The following SLC10A7 variants were observed in gnomAD, a reference collection of about 807,000 sequenced individuals.
SLC10A7 encodes sodium/bile acid cotransporter 7.
In SLC10A7, 29 loss-of-function variants were observed where a neutral mutation model predicts 43.2. The observed-to-expected ratio is 0.67, with a 90% confidence interval of 0.50 to 0.92. SLC10A7 has a LOEUF of 0.92. Ranked by LOEUF, SLC10A7 falls within the 40% of genes least tolerant of loss-of-function variation. The pLI is 0.00. For missense variants in SLC10A7, 295 were observed against 403.2 expected (o/e 0.73, Z 2.30); for synonymous variants, 152 against 144.8 (o/e 1.05, Z -0.35).
At chr4:146,383,616 T>C (rs559097886) in intron 5 of SLC10A7, among the ~76,000 whole-genome samples, 1 of 152,314 alleles carries the variant, frequency 6.6e-6, no homozygotes, top group South Asian at 2.1e-4. Context: ...CTTCATTCTT[T>C]CCTTGCTTTG....
intron 5 of SLC10A7, among the ~76,000 whole-genome samples, chr4:146,408,353 C>T (rs898850976): frequency 2.6e-5 from 4 of 151,926 alleles, no homozygotes; most frequent in East Asian, 1.9e-4. Flanking sequence ...TTTGAGACCA[C>T]CCTGGGGGCA....
intron 7 of SLC10A7, among the ~76,000 whole-genome samples, chr4:146,296,106 A>G (rs1472627887): frequency 2.6e-5 from 4 of 152,156 alleles, no homozygotes; most frequent in African/African-American, 9.6e-5. Context: ...TGAATACCAA[A>G]TCCACTGATG....
At chr4:146,483,156 T>C (rs992414648) in intron 4 of SLC10A7, among the ~76,000 whole-genome samples, 1 of 152,168 alleles carries the variant, frequency 6.6e-6, no homozygotes, top group African/African-American at 2.4e-5. Flanking sequence ...AGTATAAAAC[T>C]TCCCAGTAGA....
chr4:146,489,758 G>A (rs1735228195), intron 4 of SLC10A7, among the ~76,000 whole-genome samples: 1 of 152,056 alleles, frequency 6.6e-6, no homozygotes. Flanking sequence ...TCTCTAAGAG[G>A]CTTTGTAAAA....
intron 5 of SLC10A7, among the ~76,000 whole-genome samples, chr4:146,348,474 G>T (rs1319993841): frequency 6.6e-6 from 1 of 152,156 alleles, no homozygotes; most frequent in Non-Finnish European, 1.5e-5. Context: ...ACGTGTAAAA[G>T]AACTCCTGTT....
At chr4:146,515,809 C>T (rs932207456) in intron 2 of SLC10A7, among the ~76,000 whole-genome samples, 1 of 147,486 alleles carries the variant, frequency 6.8e-6, no homozygotes, top group Non-Finnish European at 1.5e-5. Context: ...ATTCAGGAGG[C>T]TGAGGCAGGA....
chr4:146,492,224 A>C (rs1735525675), intron 4 of SLC10A7, among the ~76,000 whole-genome samples: 1 of 151,976 alleles, frequency 6.6e-6, no homozygotes, highest in Admixed American at 6.5e-5. Context: ...TGTCTCAAAA[A>C]AAAAAAAGGA....
intron 3 of SLC10A7, among the ~76,000 whole-genome samples, chr4:146,505,475 T>C (rs756772107): frequency 1.3e-5 from 2 of 152,178 alleles, no homozygotes; most frequent in Non-Finnish European, 2.9e-5. Flanking sequence ...TCAAAAGTTA[T>C]ATGTGGATTT....
intron 5 of SLC10A7, among the ~76,000 whole-genome samples, chr4:146,414,357 A>G (rs1728416862): frequency 6.6e-6 from 1 of 152,178 alleles, no homozygotes; most frequent in Non-Finnish European, 1.5e-5. Flanking sequence ...ACCAAACATA[A>G]GGCTTTTCCA....
chr4:146,451,231 C>CAAAAAAAAAAAAAAAAAAA (rs572993886), intron 4 of SLC10A7, among the ~76,000 whole-genome samples: 2 of 71,690 alleles, frequency 2.8e-5, no homozygotes, highest in Non-Finnish European at 5.5e-5. Context: ...AGTCTCCCAC[C>CAAAAAAAAAAAAAAAAAAA]AAAAAAAAAA....
intron 4 of SLC10A7, among the ~76,000 whole-genome samples, chr4:146,445,439 C>G (rs968221529): frequency 5.3e-5 from 8 of 152,154 alleles, no homozygotes; most frequent in Non-Finnish European, 1.0e-4. Context: ...TTGTGCAGAC[C>G]CGCGGCAGTG....
At chr4:146,360,290 C>T (rs1206660267) in intron 5 of SLC10A7, among the ~76,000 whole-genome samples, 1 of 152,118 alleles carries the variant, frequency 6.6e-6, no homozygotes, top group African/African-American at 2.4e-5. Flanking sequence ...ATCCACTTTT[C>T]CACCTCCAGC....
At chr4:146,501,709 T>G (rs1736436373) in intron 4 of SLC10A7, among the ~76,000 whole-genome samples, 1 of 152,188 alleles carries the variant, frequency 6.6e-6, no homozygotes, top group Non-Finnish European at 1.5e-5. Context: ...TTGGAGTTCT[T>G]AGTGATCCTA....
chr4:146,495,192 A>G (rs972467583), intron 4 of SLC10A7, among the ~76,000 whole-genome samples: 3 of 152,206 alleles, frequency 2.0e-5, no homozygotes, highest in African/African-American at 4.8e-5. Flanking sequence ...AATGCTGACA[A>G]TGTTTTTCAG....
chr4:146,501,561 C>T (rs1264506428), intron 4 of SLC10A7, among the ~76,000 whole-genome samples: 1 of 152,160 alleles, frequency 6.6e-6, no homozygotes, highest in East Asian at 1.9e-4. Context: ...TGTGTTCCAT[C>T]CAGGGGGTAG....
At chr4:146,276,652 G>C (rs552173376) in intron 10 of SLC10A7, among the ~76,000 whole-genome samples, 1 of 152,154 alleles carries the variant, frequency 6.6e-6, no homozygotes, top group East Asian at 1.9e-4. Context: ...AGAAATTTGG[G>C]TTAAAGTTCA....
intron 2 of SLC10A7, chr4:146,514,498 T>C (rs1737771907): frequency 6.6e-6 from 1 of 152,220 alleles, no homozygotes; most frequent in African/African-American, 2.4e-5. Flanking sequence ...GTCATAAAAC[T>C]GAAGACTCAG....
intron 10 of SLC10A7, among the ~76,000 whole-genome samples, chr4:146,271,630 C>G (rs1728901389): frequency 6.6e-6 from 1 of 152,086 alleles, no homozygotes; most frequent in Non-Finnish European, 1.5e-5. Flanking sequence ...AATTCAAAAC[C>G]CCCAATGGCT....
chr4:146,281,719 A>G (rs1729570291), intron 10 of SLC10A7, among the ~76,000 whole-genome samples: 1 of 152,210 alleles, frequency 6.6e-6, no homozygotes, highest in African/African-American at 2.4e-5. Flanking sequence ...TACACTTGTT[A>G]CATGAAAATC....
Sources: gnomAD v4.1 joint callset for allele counts (sites outside exome capture counted in the v4.1 genomes callset) on GRCh38, gnomAD v4.1.1 for gene constraint, MANE v1.5 for transcripts, NCBI Gene and HGNC (gene_info 2026-07-23, HGNC 2026-07-21) for gene names.